LRRC52: variants seen among roughly 807,000 people sequenced by gnomAD.
The protein encoded by LRRC52 is leucine rich repeat containing 52, also known as leucine-rich repeat-containing protein 52.
A neutral mutation model predicts 14.7 loss-of-function variants in LRRC52; 15 were observed. The ratio of observed to expected loss-of-function variants is 1.02; its 90% CI spans 0.68 to 1.58. The LOEUF (loss-of-function observed/expected upper bound fraction) is 1.58, where lower values mean the gene tolerates loss of function less well. Ranked by LOEUF, LRRC52 falls within the 40% of genes most tolerant of loss-of-function variation. The probability of loss-of-function intolerance (pLI) is 0.00; values close to 1 mark genes in which losing one functional copy is unlikely to be tolerated. For synonymous variants in LRRC52, 180 were observed against 163.9 expected (o/e 1.10, Z -0.75); for missense variants, 400 against 387.7 (o/e 1.03, Z -0.27).
chr1:165,546,655 G>A (rs947115786), intron 1 of LRRC52, among the ~76,000 whole-genome samples: 6 of 152,044 alleles, frequency 3.9e-5, no homozygotes, highest in Middle Eastern at 3.4e-3. Flanking sequence ...TTGCAAGTGG[G>A]ACCTCCCACC....
chr1:165,544,926 C>A lies in LRRC52; in HGVS notation c.622+8C>A, dbSNP rs1165280517. 6.2e-7 allele frequency: 1 copy of A among 1,611,244 alleles called. No individual in the cohort carries two copies. Among genetic ancestry groups the A allele is most frequent in the East Asian group, 2.2e-5 (1 of 44,828 alleles). On this transcript the variant is annotated splice_region_variant and intron_variant, in intron 1 of 1. Transcript: ENST00000294818. ...TCCATATGGACCCCTCAGGTGAGGG[C>A]TTGATTGGGTGTGGGGAAGAGGATG...
rs756916875 is a variant in LRRC52, at chr1:165,544,930, A to T, written c.622+12A>T. 4.3e-6 allele frequency: 7 copies of T among 1,610,930 alleles called. No individual in the cohort carries two copies. The highest frequency in any genetic ancestry group is 5.9e-6 in the Non-Finnish European group (7 of 1,177,684). On this transcript the variant is annotated intron_variant, in intron 1 of 1. Coordinates refer to ENST00000294818, the MANE Select transcript of LRRC52 (RefSeq NM_001005214.4). ...TATGGACCCCTCAGGTGAGGGCTTG[A>T]TTGGGTGTGGGGAAGAGGATGTGAT...
intron 1 of LRRC52, among the ~76,000 whole-genome samples, chr1:165,555,025 A>G (rs1661204967): frequency 6.6e-6 from 1 of 152,218 alleles, no homozygotes; most frequent in African/African-American, 2.4e-5. Flanking sequence ...CTGAGCACCA[A>G]TCAGATGCCA....
rs1452046216 is a variant in LRRC52, at chr1:165,544,483, A to C, written c.187A>C (p.Asn63His). ...LNTRRLFLNENRITSLPAMHL... is the reference protein window; with the variant it reads ...LNTRRLFLNEHRITSLPAMHL... ...CACCCGGAGGCTGTTCCTGAACGAG[A>C]ACAGAATCACTAGTTTGCCAGCAAT... Residue 63 changes from asparagine (N) to histidine (H), a missense_variant, in exon 1 of 2, where the codon AAC becomes CAC. Physicochemically the swap from Asn to His is moderately conservative, Grantham distance 68 (BLOSUM62 1). Coordinates refer to ENST00000294818, the MANE Select transcript of LRRC52 (RefSeq NM_001005214.4). 6.2e-7 allele frequency: 1 copy of C among 1,614,140 alleles called. No individual in the cohort carries two copies. The highest frequency in any genetic ancestry group is 8.5e-7 in the Non-Finnish European group (1 of 1,180,024).
intron 1 of LRRC52, among the ~76,000 whole-genome samples, chr1:165,555,640 A>C (rs576215339): frequency 6.6e-6 from 1 of 152,240 alleles, no homozygotes; most frequent in Non-Finnish European, 1.5e-5. Context: ...CAGGCAAAAG[A>C]GGACACTGGC....
intron 1 of LRRC52, among the ~76,000 whole-genome samples, chr1:165,558,284 T>C (rs1191060363): frequency 6.6e-6 from 1 of 152,184 alleles, no homozygotes; most frequent in Non-Finnish European, 1.5e-5. Flanking sequence ...CCTGGCCCAC[T>C]GGAGTGAGGC....
At chr1:165,551,615 GA>G (rs1661133973) in intron 1 of LRRC52, among the ~76,000 whole-genome samples, 1 of 152,170 alleles carries the variant, frequency 6.6e-6, no homozygotes, top group African/African-American at 2.4e-5. Context: ...AAATGAGCCT[GA>G]TGGTGGGGCC....
intron 1 of LRRC52, among the ~76,000 whole-genome samples, chr1:165,562,716 C>T (rs141539970): frequency 2.0e-5 from 3 of 151,566 alleles, no homozygotes; most frequent in East Asian, 4.2e-4. Flanking sequence ...AAGGCCATGG[C>T]GCTACATATG....
chr1:165,550,056 G>A (rs1661100602), intron 1 of LRRC52, among the ~76,000 whole-genome samples: 1 of 152,216 alleles, frequency 6.6e-6, no homozygotes, highest in South Asian at 2.1e-4. Context: ...ACTGAAAACA[G>A]ACCCACACAT....
chr1:165,554,182 T>C (rs1449807581), intron 1 of LRRC52, among the ~76,000 whole-genome samples: 1 of 152,104 alleles, frequency 6.6e-6, no homozygotes, highest in African/African-American at 2.4e-5. Context: ...CTGCACACAG[T>C]ACATGTTCAA....
chr1:165,555,398 G>GAAAAGGAA (rs1410075468), intron 1 of LRRC52, among the ~76,000 whole-genome samples: 20 of 152,326 alleles, frequency 1.3e-4, no homozygotes, highest in African/African-American at 4.8e-4. Flanking sequence ...GGAGCAGAGT[G>GAAAAGGAA]AAGGAAAAGG....
chr1:165,544,907 T>G lies in LRRC52; in HGVS notation c.611T>G (p.Met204Arg). ...DFAIFLIVFH[M>R]DPSDDLNATC... The stretch of plus-strand genomic sequence containing the variant: ...GCCATCTTCTTAATAGTGTTCCATA[T>G]GGACCCCTCAGGTGAGGGCTTGATT... Residue 204 changes from methionine (M) to arginine (R), a missense_variant, in exon 1 of 2, where the codon ATG becomes AGG. Transcript: ENST00000294818. 1 of 1,613,960 alleles carries G rather than the reference T, an allele frequency of 6.2e-7. No homozygotes were observed. The highest frequency in any genetic ancestry group is 2.2e-5 in the East Asian group (1 of 44,888).
intron 1 of LRRC52, among the ~76,000 whole-genome samples, chr1:165,555,111 GAGA>G (rs1661206417): frequency 6.6e-6 from 1 of 152,212 alleles, no homozygotes. Flanking sequence ...ATTCTAGTGG[GAGA>G]AGAAGACAAT....
rs540448266 is a variant in LRRC52, at chr1:165,559,249, C to T, written c.623-4256C>T. The stretch of plus-strand genomic sequence containing the variant: ...ACTAAAAATATAAAAATTAGCTGGG[C>T]GTGGTGGCGTGTGCCTGTAATCTCA... On this transcript the variant is annotated intron_variant, in intron 1 of 1. Transcript: ENST00000294818. 7.2e-5 allele frequency among the ~76,000 whole-genome samples: 11 copies of T among 152,164 alleles called. No homozygotes were observed. The South Asian group carries it at 1.9e-3, about 26-fold the overall frequency.
chr1:165,544,886 T>C lies in LRRC52; in HGVS notation c.590T>C (p.Ile197Thr). ...KCNCSFLDFA[I>T]FLIVFHMDPS... Reference sequence around the variant, plus strand: ...AACTGCTCTTTCCTGGACTTCGCCATCTTCTTAATAGTGTTCCATATGGAC... The same window carrying C: ...AACTGCTCTTTCCTGGACTTCGCCACCTTCTTAATAGTGTTCCATATGGAC... Residue 197 changes from isoleucine to threonine, a missense_variant, in exon 1 of 2, where the codon ATC becomes ACC. Ile to Thr is a moderately conservative substitution (Grantham distance 89, BLOSUM62 -1). Transcript: ENST00000294818. The C allele has an allele frequency of 6.2e-7, 1 of 1,614,152 alleles. No individual in the cohort carries two copies. Among genetic ancestry groups the C allele is most frequent in the South Asian group, 1.1e-5 (1 of 91,080 alleles).
intron 1 of LRRC52, among the ~76,000 whole-genome samples, chr1:165,551,979 GA>G (rs148299176): frequency 0.47 from 55,968 of 120,284 alleles, 11,299 homozygotes; most frequent in African/African-American, 0.54. Flanking sequence ...GGCTAAAAAA[GA>G]AAAAAAAAAA....
At chr1:165,558,896 G>T (rs1163488636) in intron 1 of LRRC52, among the ~76,000 whole-genome samples, 1 of 152,078 alleles carries the variant, frequency 6.6e-6, no homozygotes, top group Non-Finnish European at 1.5e-5. Flanking sequence ...AAAAGTAAAC[G>T]GACGGAAGAA....
At chr1:165,547,803 C>T (rs1477322956) in intron 1 of LRRC52, among the ~76,000 whole-genome samples, 1 of 152,162 alleles carries the variant, frequency 6.6e-6, no homozygotes, top group African/African-American at 2.4e-5. Flanking sequence ...TATACATGAA[C>T]AGATACATGC....
At chr1:165,562,790 G>A (rs933117225) in intron 1 of LRRC52, among the ~76,000 whole-genome samples, 2 of 152,118 alleles carry the variant, frequency 1.3e-5, no homozygotes, top group African/African-American at 4.8e-5. Flanking sequence ...GAAGACTCAT[G>A]TCGATGACAT....
Sources: gnomAD v4.1 joint callset for allele counts (sites outside exome capture counted in the v4.1 genomes callset) on GRCh38, gnomAD v4.1.1 for gene constraint, MANE v1.5 for transcripts, NCBI Gene and HGNC (gene_info 2026-07-23, HGNC 2026-07-21) for gene names.